The following REDIC1 variants were observed in gnomAD, a reference collection of about 807,000 sequenced individuals.
REDIC1 encodes HEI10 Interacting Protein 1.
the REDIC1 span, among the ~76,000 whole-genome samples, chr12:39,742,006 T>C: frequency 6.6e-6 from 1 of 152,226 alleles, no homozygotes; most frequent in African/African-American, 2.4e-5. Context: ...TGGCAGTCTA[T>C]GATCTCTATT....
At chr12:39,667,749 C>T in the REDIC1 span, among the ~76,000 whole-genome samples, 2 of 152,132 alleles carry the variant, frequency 1.3e-5, no homozygotes, top group Non-Finnish European at 2.9e-5. Context: ...TCTGGGCGCT[C>T]CTGTATTGGG....
chr12:39,819,351 A>C, the REDIC1 span, among the ~76,000 whole-genome samples: 1 of 152,174 alleles, frequency 6.6e-6, no homozygotes, highest in Non-Finnish European at 1.5e-5. Flanking sequence ...AGGACCTTTG[A>C]CATTATTTTA....
chr12:39,746,454 T>A, the REDIC1 span, among the ~76,000 whole-genome samples: 1 of 152,124 alleles, frequency 6.6e-6, no homozygotes, highest in Non-Finnish European at 1.5e-5. Flanking sequence ...GGAGCCCACC[T>A]CAGCTCACTG....
At chr12:39,714,210 C>T in the REDIC1 span, among the ~76,000 whole-genome samples, 3 of 13,288 alleles carry the variant, frequency 2.3e-4, no homozygotes, top group Admixed American at 1.0e-3. Context: ...TATATACATG[C>T]ATATACGTAT....
chr12:39,656,874 A>T, the REDIC1 span, among the ~76,000 whole-genome samples: 8 of 152,252 alleles, frequency 5.3e-5, no homozygotes, highest in East Asian at 7.7e-4. Flanking sequence ...GTAAAGAAAA[A>T]TTTTTTTACA....
chr12:39,839,645 T>C, the REDIC1 span, among the ~76,000 whole-genome samples: 2,144 of 152,170 alleles, frequency 0.014, 39 homozygotes, highest in African/African-American at 0.047. Flanking sequence ...ACCTCTCAGA[T>C]AGTGGCATCT....
the REDIC1 span, among the ~76,000 whole-genome samples, chr12:39,744,306 G>C: frequency 6.6e-6 from 1 of 152,208 alleles, no homozygotes; most frequent in South Asian, 2.1e-4. Context: ...CAGTACACCT[G>C]ACTTGCAAAA....
the REDIC1 span, among the ~76,000 whole-genome samples, chr12:39,734,157 G>C: frequency 6.6e-6 from 1 of 152,178 alleles, no homozygotes; most frequent in African/African-American, 2.4e-5. Flanking sequence ...CTTGACTAGG[G>C]GAGGGAGTTC....
At chr12:39,667,803 T>C in the REDIC1 span, among the ~76,000 whole-genome samples, 2 of 152,282 alleles carry the variant, frequency 1.3e-5, no homozygotes, top group East Asian at 3.9e-4. Context: ...TTGAATTGAT[T>C]CCTTTACCAT....
chr12:39,812,460 C>G, the REDIC1 span, among the ~76,000 whole-genome samples: 5 of 144,484 alleles, frequency 3.5e-5, no homozygotes, highest in South Asian at 1.1e-3. Flanking sequence ...TTCTTTCTTT[C>G]TCCTTTCTTT....
At chr12:39,681,369 G>A in the REDIC1 span, among the ~76,000 whole-genome samples, 3 of 152,240 alleles carry the variant, frequency 2.0e-5, no homozygotes, top group Non-Finnish European at 2.9e-5. Context: ...TGGGTACAGT[G>A]TACACTGCTT....
the REDIC1 span, among the ~76,000 whole-genome samples, chr12:39,719,058 C>A: frequency 0.012 from 1,873 of 152,210 alleles, 27 homozygotes; most frequent in African/African-American, 0.042. Flanking sequence ...TTTTCCTTCA[C>A]AAGTTTCCTT....
the REDIC1 span, among the ~76,000 whole-genome samples, chr12:39,747,395 G>A: frequency 6.6e-6 from 1 of 152,146 alleles, no homozygotes; most frequent in Admixed American, 6.6e-5. Flanking sequence ...AAAAAGAAAT[G>A]AACAAAGCCT....
the REDIC1 span, among the ~76,000 whole-genome samples, chr12:39,895,845 CAT>C: frequency 4.9e-3 from 301 of 60,866 alleles, 98 homozygotes; most frequent in East Asian, 0.11. Context: ...TATGCACACA[CAT>C]ATGTATATGC....
At chr12:39,857,867 C>A in the REDIC1 span, among the ~76,000 whole-genome samples, 1 of 152,162 alleles carries the variant, frequency 6.6e-6, no homozygotes, top group African/African-American at 2.4e-5. Context: ...ATTCCCTCTC[C>A]CTGAAATGCT....
At chr12:39,799,173 C>T in the REDIC1 span, among the ~76,000 whole-genome samples, 1 of 151,256 alleles carries the variant, frequency 6.6e-6, no homozygotes, top group African/African-American at 2.4e-5. Context: ...ACCTCCGCCT[C>T]CCAGGTTCAA....
the REDIC1 span, among the ~76,000 whole-genome samples, chr12:39,722,945 T>C: frequency 6.6e-6 from 1 of 152,096 alleles, no homozygotes; most frequent in Non-Finnish European, 1.5e-5. Flanking sequence ...GATGGAGACG[T>C]TGAGTAAAGC....
At chr12:39,656,749 C>T in the REDIC1 span, among the ~76,000 whole-genome samples, 10 of 151,950 alleles carry the variant, frequency 6.6e-5, no homozygotes, top group African/African-American at 1.9e-4. Flanking sequence ...GATCCTGACC[C>T]TGTGTGGACC....
chr12:39,874,752 A>G, the REDIC1 span, among the ~76,000 whole-genome samples: 6 of 152,166 alleles, frequency 3.9e-5, no homozygotes, highest in Non-Finnish European at 7.3e-5. Context: ...GGAAATCACA[A>G]AGCGAAGTTT....
Sources: allele counts gnomAD v4.1 joint callset (sites outside exome capture counted in the v4.1 genomes callset), GRCh38; gene constraint gnomAD v4.1.1; transcripts MANE v1.5; gene names NCBI Gene and HGNC (gene_info 2026-07-23, HGNC 2026-07-21).